Variants in TMEM59L observed in about 807,000 individuals in gnomAD.
TMEM59L encodes the protein transmembrane protein 59 like.
A neutral mutation model predicts 39.6 loss-of-function variants in TMEM59L; 31 were observed. That is an observed-to-expected ratio of 0.78 (90% CI 0.59 to 1.06). The LOEUF is 1.06. TMEM59L is among the 50% of genes least tolerant of loss of function. TMEM59L has a pLI of 0.00. For missense variants in TMEM59L, 441 were observed against 451.3 expected (o/e 0.98, Z 0.21); for synonymous variants, 219 against 202.9 (o/e 1.08, Z -0.68).
intron 7 of TMEM59L, among the ~76,000 whole-genome samples, chr19:18,619,449 C>T (rs1976469501): frequency 6.6e-6 from 1 of 152,204 alleles, no homozygotes; most frequent in Admixed American, 6.5e-5. Flanking sequence ...TTGGTGACAC[C>T]TCTGTGGTGC....
Position 18,617,427 on chromosome 19 carries a change from C to T in TMEM59L, c.664+325C>T, listed in dbSNP as rs539092703. 2.7e-4 allele frequency: 134 copies of T among 493,294 alleles called. 2 individuals carry two copies. The highest frequency in any genetic ancestry group is 2.1e-3 in the South Asian group (133 of 64,764). The allele number at this position is 493,294 out of a possible 1,614,324, so 30.6% of individuals were successfully genotyped here. A position where few individuals can be genotyped will look rare whatever the true frequency, so the allele number is the denominator to read the frequency against. Reference sequence around the variant, plus strand: ...ACCTCCCGGGTTCCGTGGCCACCTCCCAGGGTTCCGTGTTCCGCCTCCCAG... The same window carrying T: ...ACCTCCCGGGTTCCGTGGCCACCTCTCAGGGTTCCGTGTTCCGCCTCCCAG... On this transcript the variant is annotated intron_variant, in intron 5 of 7. Transcript: ENST00000262817.
intron 7 of TMEM59L, among the ~76,000 whole-genome samples, chr19:18,620,121 G>GTAGATA (rs1976478970): frequency 6.6e-6 from 1 of 151,568 alleles, no homozygotes; most frequent in Admixed American, 6.6e-5. Context: ...AGCCAACATA[G>GTAGATA]TGAAACCCCA....
chr19:18,620,316 T>G (rs1390769169), intron 7 of TMEM59L, 92 bp from the exon 8 acceptor site: 11 of 1,311,106 alleles, frequency 8.4e-6, no homozygotes, highest in East Asian at 2.5e-5. Context: ...AGAAAAAAAA[T>G]AAAACAATCA....
In TMEM59L at chr19:18,613,918, T is replaced by C; in HGVS notation, c.218T>C (p.Leu73Pro). Residue 73 changes from leucine to proline, a missense_variant, in exon 2 of 8, where the codon CTG (leucine) becomes CCG (proline). By Grantham distance (98) the Leu-to-Pro change is moderately conservative. Coordinates refer to ENST00000262817, the MANE Select transcript of TMEM59L (RefSeq NM_012109.3). Reference sequence around the variant, plus strand: ...GAGTCTCCCTATGACAGAGCCGTTCTGATCAGCGCTTGCGAGCGTGGCTGC... The same window carrying C: ...GAGTCTCCCTATGACAGAGCCGTTCCGATCAGCGCTTGCGAGCGTGGCTGC... The part of the protein sequence containing the change: ...ASESPYDRAV[L>P]ISACERGCRL... 6.2e-7 allele frequency: 1 copy of C among 1,613,012 alleles called. No individual in the cohort carries two copies. The highest frequency in any genetic ancestry group is 8.5e-7 in the Non-Finnish European group (1 of 1,179,990).
At chr19:18,620,246 G>A (rs954824878) in intron 7 of TMEM59L, among the ~76,000 whole-genome samples, 162 bp from the exon 8 acceptor site, 1 of 151,958 alleles carries the variant, frequency 6.6e-6, no homozygotes, top group Non-Finnish European at 1.5e-5. Flanking sequence ...AGGTTGCAGT[G>A]AGCTGAGATG....
intron 5 of TMEM59L, 66 bp downstream of exon 5, chr19:18,617,168 G>A (rs779198262): frequency 1.1e-5 from 13 of 1,222,654 alleles, no homozygotes; most frequent in Non-Finnish European, 1.4e-5. Context: ...AGTCGGCCTG[G>A]CAAACAGACC....
Position 18,620,621 on chromosome 19 carries a change from G to A in TMEM59L, c.*85G>A. 6.6e-7 allele frequency: 1 copy of A among 1,504,264 alleles called. No homozygotes were observed. The allele number at this position is 1,504,264 out of a possible 1,614,324, so 93.2% of individuals were successfully genotyped here. On this transcript the variant is annotated 3_prime_UTR_variant, in exon 8 of 8. Coordinates refer to ENST00000262817, the MANE Select transcript of TMEM59L (RefSeq NM_012109.3). The stretch of plus-strand genomic sequence containing the variant: ...AGCCCAGGAGTCCAAGGGCAGGGTG[G>A]GTCCAGCCTTGAGCCCCTCCACCCC...
At chr19:18,617,877 G>A (rs368151669) in intron 5 of TMEM59L, 1 of 504,958 alleles carries the variant, frequency 2.0e-6, no homozygotes, top group Non-Finnish European at 3.6e-6. Context: ...ATCTCCTAGG[G>A]TCCATCTCCT....
At chr19:18,617,123 G>C in intron 5 of TMEM59L, 21 bp downstream of exon 5, 5 of 1,597,122 alleles carry the variant, frequency 3.1e-6, no homozygotes, top group Non-Finnish European at 4.3e-6. Context: ...ACCTAGACCA[G>C]TGTTCCTTCC....
chr19:18,614,150 C>A lies in TMEM59L; in HGVS notation c.363C>A (p.Ser121Arg), dbSNP rs757216256. The A allele has an allele frequency of 5.4e-5, 87 of 1,609,596 alleles. No homozygotes were observed. Among genetic ancestry groups the A allele is most frequent in the Middle Eastern group, 1.6e-4 (1 of 6,080 alleles). Residue 121 changes from serine (S) to arginine (R), a missense_variant, in exon 3 of 8, where the codon AGC (serine) becomes AGA (arginine). Ser to Arg is a moderately radical substitution (Grantham distance 110). Coordinates refer to ENST00000262817, the MANE Select transcript of TMEM59L (RefSeq NM_012109.3). ...AGGAGGCAGAGCAGCAGGCCTGTAG[C>A]CACGGCTGCTGGAGCCAGCCCGCGG... is the stretch of plus-strand genomic sequence containing the variant. ...YVKEAEQQAC[S>R]HGCWSQPAEP...
At chr19:18,617,468 C>G in intron 5 of TMEM59L, 1 of 469,126 alleles carries the variant, frequency 2.1e-6, no homozygotes, top group Non-Finnish European at 4.2e-6. Flanking sequence ...TGTGGTCCAC[C>G]TCCCAGGGAT....
chr19:18,617,226 A>C, intron 5 of TMEM59L, 124 bp downstream of exon 5: 2 of 748,228 alleles, frequency 2.7e-6, no homozygotes, highest in Non-Finnish European at 4.7e-6. Flanking sequence ...TCCATGGCTC[A>C]TCCCCCAGGT....
intron 7 of TMEM59L, among the ~76,000 whole-genome samples, chr19:18,619,647 A>C (rs1269484928): frequency 6.6e-6 from 1 of 151,882 alleles, no homozygotes; most frequent in Admixed American, 6.6e-5. Flanking sequence ...TACTAAAAAT[A>C]CAAAAAATTA....
At chr19:18,616,471 C>A (rs570085566) in intron 4 of TMEM59L, among the ~76,000 whole-genome samples, 1 of 152,248 alleles carries the variant, frequency 6.6e-6, no homozygotes, top group African/African-American at 2.4e-5. Context: ...TAGCTCACTG[C>A]AACCTCCACC....
chr19:18,613,792 C>A lies in TMEM59L; in HGVS notation c.172-80C>A, dbSNP rs997423055. On this transcript the variant is annotated intron_variant, in intron 1 of 7. Coordinates refer to ENST00000262817, the MANE Select transcript of TMEM59L (RefSeq NM_012109.3). ...TGGGGAGCGGGGAAGCCTTTCCCTG[C>A]CTCTGCTGAATGCTCCGGTCCCCCC... is the stretch of plus-strand genomic sequence containing the variant. The A allele has an allele frequency of 3.4e-6, 4 of 1,177,610 alleles. No homozygotes were observed. In the African/African-American group the frequency reaches 6.0e-5, roughly 18 times the overall value. The allele number at this position is 1,177,610 out of a possible 1,614,324, so 72.9% of individuals were successfully genotyped here. A position where few individuals can be genotyped will look rare whatever the true frequency, so the allele number is the denominator to read the frequency against.
chr19:18,620,351 T>A, intron 7 of TMEM59L, 57 bp from the exon 8 acceptor site: 1 of 1,514,340 alleles, frequency 6.6e-7, no homozygotes, highest in Non-Finnish European at 9.0e-7. Flanking sequence ...ACAGTCAGGG[T>A]TGGGGGCTCG....
chr19:18,614,735 G>C (rs545348204), intron 3 of TMEM59L, among the ~76,000 whole-genome samples: 2 of 152,208 alleles, frequency 1.3e-5, no homozygotes, highest in Non-Finnish European at 1.5e-5. Context: ...GGCTTGCCTC[G>C]CAAGCACGCA....
chr19:18,615,996 A>T lies in TMEM59L; in HGVS notation c.430A>T (p.Ser144Cys). 1 of 1,613,998 alleles carries T rather than the reference A, an allele frequency of 6.2e-7. No homozygotes were observed. The highest frequency in any genetic ancestry group is 1.1e-5 in the South Asian group (1 of 91,066). The change falls in exon 4 of 8, where the codon AGT becomes TGT. Residue 144 changes from serine (S) to cysteine (C), a missense_variant. Ser to Cys is a moderately radical substitution (Grantham distance 112, BLOSUM62 -1). Transcript: ENST00000262817. ...CCAGAGAAAGGTCCTGGAGGCTCCA[A>T]GTGGGGCCCTCTCCCTCTTGGACTT... ...EQKRKVLEAPSGALSLLDLFS... is the reference protein window; with the variant it reads ...EQKRKVLEAPCGALSLLDLFS...
Position 18,615,962 on chromosome 19 carries a change from C to T in TMEM59L, c.409-13C>T. 1.9e-6 allele frequency: 3 copies of T among 1,611,750 alleles called. No individual in the cohort carries two copies. Among genetic ancestry groups the T allele is most frequent in the Non-Finnish European group, 1.7e-6 (2 of 1,178,636 alleles). The stretch of plus-strand genomic sequence containing the variant: ...TCGGTGCCATCTTTGTGTCTTGGAC[C>T]TTTTTTCACCAGAGAAAGGTCCTGG... On this transcript the variant is annotated splice_polypyrimidine_tract_variant and intron_variant, in intron 3 of 7. Transcript: ENST00000262817.
Sources: gnomAD v4.1 joint callset for allele counts (sites outside exome capture counted in the v4.1 genomes callset) on GRCh38, gnomAD v4.1.1 for gene constraint, MANE v1.5 for transcripts, NCBI Gene and HGNC (gene_info 2026-07-23, HGNC 2026-07-21) for gene names.